ANXA3: variants seen among roughly 807,000 people sequenced by gnomAD.
ANXA3 encodes the protein 35-alpha calcimedin.
In ANXA3, 46 loss-of-function variants were observed where a neutral mutation model predicts 48.8. That is an observed-to-expected ratio of 0.94 (90% CI 0.74 to 1.21). ANXA3 has a LOEUF of 1.21. ANXA3 is among the 50% of genes most tolerant of loss of function. The pLI, the probability that ANXA3 is intolerant of heterozygous loss-of-function variation, is 0.00. For synonymous variants in ANXA3, 128 were observed against 134.7 expected (o/e 0.95, Z 0.35); for missense variants, 383 against 378.6 (o/e 1.01, Z -0.10).
At chr4:78,584,825 T>C (rs1298718376) in intron 5 of ANXA3, among the ~76,000 whole-genome samples, 1 of 152,146 alleles carries the variant, frequency 6.6e-6, no homozygotes, top group East Asian at 1.9e-4. Context: ...AAGAGCAGGG[T>C]AGGTGGGGTG....
intron 2 of ANXA3, 50 bp downstream of exon 2, chr4:78,554,538 CA>C: frequency 6.4e-7 from 1 of 1,558,848 alleles, no homozygotes; most frequent in Non-Finnish European, 8.8e-7. Context: ...TGAGTCAAAC[CA>C]AAACACAGAA....
chr4:78,577,773 A>C (rs1221295161), intron 3 of ANXA3, among the ~76,000 whole-genome samples: 1 of 152,128 alleles, frequency 6.6e-6, no homozygotes, highest in Non-Finnish European at 1.5e-5. Context: ...CTAGTCATGC[A>C]TGCTCTAGGC....
intron 2 of ANXA3, among the ~76,000 whole-genome samples, chr4:78,567,980 A>G (rs976333881): frequency 6.6e-6 from 1 of 152,192 alleles, no homozygotes; most frequent in African/African-American, 2.4e-5. Flanking sequence ...TCACCATCAC[A>G]TCACATTCTT....
At position 78,554,519 on chromosome 4, in the gene ANXA3, T is replaced by G. The variant is rs1241332032; in HGVS notation, c.15+31T>G. 9 of 1,606,750 alleles carry G rather than the reference T, an allele frequency of 5.6e-6. No individual in the cohort carries two copies. In the South Asian group the frequency reaches 6.6e-5, roughly 12 times the overall value. On this transcript the variant is annotated intron_variant, in intron 2 of 12. Coordinates refer to ENST00000264908, the MANE Select transcript of ANXA3 (RefSeq NM_005139.3). ...TAAAAATTAAGCCTTCACAACACAG[T>G]AACATATATGAGTCAAACCAAAACA...
chr4:78,610,004 G>T, intron 12 of ANXA3, 52 bp from the exon 13 acceptor site: 4 of 1,379,818 alleles, frequency 2.9e-6, no homozygotes, highest in Non-Finnish European at 4.1e-6. Flanking sequence ...TTCATTTATG[G>T]TCTCCCATTA....
At chr4:78,561,238 C>T (rs1256239518) in intron 2 of ANXA3, among the ~76,000 whole-genome samples, 1 of 152,078 alleles carries the variant, frequency 6.6e-6, no homozygotes, top group African/African-American at 2.4e-5. Context: ...AGGCACAGCC[C>T]CCCTTCCCTC....
intron 5 of ANXA3, 93 bp downstream of exon 5, chr4:78,582,383 C>T (rs2109937671): frequency 2.5e-6 from 2 of 788,650 alleles, no homozygotes; most frequent in East Asian, 2.6e-5. Flanking sequence ...GATGGGTGGA[C>T]TTGGATGCCC....
chr4:78,565,840 G>C (rs1167705605), intron 2 of ANXA3, among the ~76,000 whole-genome samples: 2 of 152,122 alleles, frequency 1.3e-5, no homozygotes, highest in Non-Finnish European at 2.9e-5. Context: ...AAATAGCTTG[G>C]GAGGAAACAA....
intron 4 of ANXA3, among the ~76,000 whole-genome samples, chr4:78,580,326 A>G (rs1316339365): frequency 1.3e-5 from 2 of 152,192 alleles, no homozygotes; most frequent in African/African-American, 4.8e-5. Flanking sequence ...AAAATATAAA[A>G]GCCCTGAAGC....
intron 2 of ANXA3, among the ~76,000 whole-genome samples, chr4:78,570,792 C>A (rs927702752): frequency 6.6e-6 from 1 of 152,100 alleles, no homozygotes; most frequent in African/African-American, 2.4e-5. Flanking sequence ...GTAAAGTGTG[C>A]TGGGCATGAA....
At chr4:78,578,332 A>AGAGG (rs1723002680) in intron 3 of ANXA3, among the ~76,000 whole-genome samples, 1 of 84,426 alleles carries the variant, frequency 1.2e-5, no homozygotes. Flanking sequence ...AGAGAGAGAA[A>AGAGG]GGGAGGGAGG....
chr4:78,605,106 G>A (rs1164058463), intron 12 of ANXA3, among the ~76,000 whole-genome samples: 1 of 152,178 alleles, frequency 6.6e-6, no homozygotes, highest in Non-Finnish European at 1.5e-5. Context: ...TTGGCACAGA[G>A]GGTATTTTCA....
chr4:78,555,981 A>G (rs935027266), intron 2 of ANXA3, among the ~76,000 whole-genome samples: 2 of 152,084 alleles, frequency 1.3e-5, no homozygotes, highest in African/African-American at 2.4e-5. Flanking sequence ...GCAAGGTGAT[A>G]TTTTTATTCT....
intron 6 of ANXA3, 31 bp downstream of exon 6, chr4:78,586,381 G>A (rs763157077): frequency 6.6e-7 from 1 of 1,507,812 alleles, no homozygotes; most frequent in South Asian, 1.2e-5. Flanking sequence ...CTTCACCACT[G>A]TTCACACATA....
intron 1 of ANXA3, among the ~76,000 whole-genome samples, chr4:78,552,890 G>A (rs1385994080): frequency 6.6e-6 from 1 of 152,174 alleles, no homozygotes. Flanking sequence ...AGAACTCTGT[G>A]GTTGTGTAGA....
intron 3 of ANXA3, among the ~76,000 whole-genome samples, chr4:78,577,733 A>ATT (rs2109934700): frequency 6.6e-6 from 1 of 152,248 alleles, no homozygotes; most frequent in South Asian, 2.1e-4. Flanking sequence ...GAAGTTGAGC[A>ATT]TTGAGTTCCA....
intron 2 of ANXA3, among the ~76,000 whole-genome samples, chr4:78,565,505 T>A (rs1203135990): frequency 6.6e-6 from 1 of 152,154 alleles, no homozygotes; most frequent in Non-Finnish European, 1.5e-5. Context: ...CAGAGGGAAA[T>A]GCAGGTGAAG....
chr4:78,592,637 A>C (rs1168922812), intron 7 of ANXA3, among the ~76,000 whole-genome samples: 2 of 152,184 alleles, frequency 1.3e-5, no homozygotes, highest in Non-Finnish European at 2.9e-5. Flanking sequence ...CTGGAATCTC[A>C]TGCTGCCAAC....
rs562880343 is a variant in ANXA3 at position 78,564,802 on chromosome 4, A to C, written c.16-8378A>C. Among the ~76,000 whole-genome samples the C allele has an allele frequency of 6.0e-4, 92 of 152,264 alleles. 1 individual carries two copies. The highest frequency in any genetic ancestry group is 1.9e-3 in the African/African-American group (80 of 41,550). On this transcript the variant is annotated intron_variant, in intron 2 of 12. Transcript: ENST00000264908. ...AAACCAAGGCATTAAGGTGGGAAAG[A>C]GTTCATTGTATACCAGCTTGACTTT... is the stretch of plus-strand genomic sequence containing the variant.
Sources: allele counts gnomAD v4.1 joint callset (sites outside exome capture counted in the v4.1 genomes callset), GRCh38; gene constraint gnomAD v4.1.1; transcripts MANE v1.5; gene names NCBI Gene and HGNC (gene_info 2026-07-23, HGNC 2026-07-21).